POGK: variants seen among roughly 807,000 people sequenced by gnomAD.
POGK encodes the protein pogo transposable element derived with KRAB domain, also known as pogo transposable element with KRAB domain.
POGK carries 16 observed loss-of-function variants against 54.4 expected under a neutral mutation model. That is an observed-to-expected ratio of 0.29 (90% CI 0.20 to 0.45). POGK has a LOEUF of 0.45. Among genes scored for constraint, POGK ranks in the 20% least tolerant of loss-of-function variants. POGK has a pLI of 1.00. For missense variants in POGK, 515 were observed against 795.6 expected (o/e 0.65, Z 4.24); for synonymous variants, 271 against 302.2 (o/e 0.90, Z 1.07).
At position 166,846,037 on chromosome 1, in the gene POGK, C is replaced by T. The variant is rs75218986; in HGVS notation, c.133-575C>T. ...GGGCCCCTTCTCTCAGTGGCTCCTC[C>T]CTGGGCAGCTGTGGGTTCCAAGTCT... On this transcript the variant is annotated intron_variant, in intron 2 of 5. Transcript: ENST00000367876. 5.1e-3 allele frequency among the ~76,000 whole-genome samples: 777 copies of T among 152,308 alleles called. 4 individuals carry two copies. The highest frequency in any genetic ancestry group is 0.018 in the African/African-American group (730 of 41,554).
Position 166,856,344 on chromosome 1 carries a change from G to GAAAAAA in POGK, c.*3784_*3789dup, listed in dbSNP as rs57469144. On this transcript the variant is annotated 3_prime_UTR_variant, in exon 6 of 6. Transcript: ENST00000367876. ...GTGAGACCCTATCTCAAAAAGAAAAGAAAAAAAAAAAAAAAGAAATGGCAT... is the reference window on the plus strand; with the variant it reads ...GTGAGACCCTATCTCAAAAAGAAAAGAAAAAAAAAAAAAAAAAAAAAGAAATGGCAT... 1.9e-4 allele frequency: 22 copies of GAAAAAA among 117,032 alleles called. No homozygotes were observed. Among genetic ancestry groups the GAAAAAA allele is most frequent in the South Asian group, 2.8e-4 (1 of 3,534 alleles). The allele number at this position is 117,032 out of a possible 1,614,324, so 7.2% of individuals were successfully genotyped here. A position where few individuals can be genotyped will look rare whatever the true frequency, so the allele number is the denominator to read the frequency against.
chr1:166,844,091 C>T (rs1431848564), intron 2 of POGK, among the ~76,000 whole-genome samples: 2 of 152,346 alleles, frequency 1.3e-5, no homozygotes, highest in East Asian at 3.9e-4. Flanking sequence ...TAAGCCACTA[C>T]ACTGTGCCTC....
At position 166,840,955 on chromosome 1, in the gene POGK, A is replaced by G. The variant is rs1657476415; in HGVS notation, c.-2A>G. ...TTCTGAACCTGAATCTTGCTTGCAG[A>G]GATGGAGTCCACAGCCTACCCTCTC... On this transcript the variant is annotated splice_region_variant and 5_prime_UTR_variant, in exon 2 of 6. Transcript: ENST00000367876. 6.2e-7 allele frequency: 1 copy of G among 1,613,986 alleles called. No homozygotes were observed.
At chr1:166,843,867 G>A (rs1657715038) in intron 2 of POGK, among the ~76,000 whole-genome samples, 1 of 152,250 alleles carries the variant, frequency 6.6e-6, no homozygotes, top group Non-Finnish European at 1.5e-5. Flanking sequence ...GGAGGGCAGG[G>A]ACTGAAGGTC....
Position 166,849,942 on chromosome 1 carries a change from A to G in POGK, c.1363A>G (p.Arg455Gly). The part of the protein sequence containing the change: ...LMQDWLEVVW[R>G]RRTGAVPKQR... ...GCAGGACTGGTTGGAAGTGGTGTGG[A>G]GACGGAGGACAGGAGCAGTGCCCAA... The change falls in exon 5 of 6, where the codon AGA becomes GGA. Residue 455 changes from arginine (R) to glycine (G), a missense_variant. Around this residue, in one of 2 missense-constraint regions of POGK, gnomAD observed 461 missense variants for 743.5 expected, o/e 0.62. Transcript: ENST00000367876. 1 of 1,614,234 alleles carries G rather than the reference A, an allele frequency of 6.2e-7. No individual in the cohort carries two copies. Among genetic ancestry groups the G allele is most frequent in the Non-Finnish European group, 8.5e-7 (1 of 1,180,042 alleles).
Position 166,849,238 on chromosome 1 carries a change from C to T in POGK, c.659C>T (p.Ala220Val), listed in dbSNP as rs1657962857. The change falls in exon 5 of 6, where the codon GCT becomes GTT. Residue 220 changes from alanine (A) to valine (V), a missense_variant. Ala to Val is a moderately conservative substitution (Grantham distance 64, BLOSUM62 0). Transcript: ENST00000367876. ...EYAESTNNCQ[A>V]AKQFGVLEKN... ...GCTGAGAGTACCAACAACTGCCAGGCTGCCAAGCAGTTTGGAGTATTGGAA... is the reference window on the plus strand; with the variant it reads ...GCTGAGAGTACCAACAACTGCCAGGTTGCCAAGCAGTTTGGAGTATTGGAA... 1 of 1,614,122 alleles carries T rather than the reference C, an allele frequency of 6.2e-7. No homozygotes were observed. The highest frequency in any genetic ancestry group is 8.5e-7 in the Non-Finnish European group (1 of 1,180,046).
chr1:166,848,864 C>G (rs1657942211), intron 4 of POGK, 74 bp from the exon 5 acceptor site: 1 of 1,497,228 alleles, frequency 6.7e-7, no homozygotes, highest in Non-Finnish European at 9.0e-7. Context: ...CTTAGCATTT[C>G]AACCCCCAAA....
chr1:166,847,068 C>T (rs1317980709), intron 3 of POGK, among the ~76,000 whole-genome samples: 1 of 152,128 alleles, frequency 6.6e-6, no homozygotes, highest in Non-Finnish European at 1.5e-5. Flanking sequence ...TTAATGTTAC[C>T]CTGTCAGCCT....
chr1:166,846,799 C>T (rs1657867281), intron 3 of POGK, 61 bp downstream of exon 3: 1 of 1,593,934 alleles, frequency 6.3e-7, no homozygotes, highest in Admixed American at 1.7e-5. Flanking sequence ...GTTTCCATGC[C>T]TCTCTTCTCT....
intron 2 of POGK, among the ~76,000 whole-genome samples, chr1:166,843,170 G>T (rs1657609463): frequency 2.0e-5 from 3 of 152,202 alleles, no homozygotes. Flanking sequence ...CCAGGCAAGA[G>T]GACAGCACAG....
intron 2 of POGK, among the ~76,000 whole-genome samples, chr1:166,844,314 A>G (rs886878497): frequency 3.3e-5 from 5 of 152,100 alleles, no homozygotes; most frequent in African/African-American, 1.2e-4. Flanking sequence ...CCATTTTATC[A>G]GCAAAGGGAA....
In POGK at chr1:166,847,661, A is replaced by G. The variant is rs1047278058; in HGVS notation, c.358+69A>G. On this transcript the variant is annotated intron_variant, in intron 4 of 5. Transcript: ENST00000367876. ...TTGTGGAGTGGGATTTTCAGTGTAC[A>G]TTCCACGGGGTATTTAAGAGGTAGA... is the stretch of plus-strand genomic sequence containing the variant. 4 of 1,211,326 alleles carry G rather than the reference A, an allele frequency of 3.3e-6. No homozygotes were observed. The African/African-American group carries it at 4.5e-5, about 14-fold the overall frequency. 75.0% of individuals were successfully genotyped at this position (1,211,326 alleles called of 1,614,324 possible).
rs1658189347 is a variant in POGK, at chr1:166,854,152, C to T, written c.*1582C>T. 6.6e-6 allele frequency: 1 copy of T among 152,588 alleles called. No homozygotes were observed. Among genetic ancestry groups the T allele is most frequent in the Non-Finnish European group, 1.5e-5 (1 of 68,032 alleles). The allele number at this position is 152,588 out of a possible 1,614,324, so 9.5% of individuals were successfully genotyped here. A position where few individuals can be genotyped will look rare whatever the true frequency, so the allele number is the denominator to read the frequency against. ...TTCCTTCCTTGGAGCCATAGTTACC[C>T]TGCCAAGAAGAGTAGAAAATGGGTT... On this transcript the variant is annotated 3_prime_UTR_variant, in exon 6 of 6. Transcript: ENST00000367876.
Position 166,841,121 on chromosome 1 carries a change from G to A in POGK, c.132+33G>A, listed in dbSNP as rs1024285832. ...AGAAGGTGTGGAGTCCACACAGCCA[G>A]CAGATGCAGGCCTGAGAGCCCAGCT... On this transcript the variant is annotated intron_variant, in intron 2 of 5. Transcript: ENST00000367876. 4 of 1,609,336 alleles carry A rather than the reference G, an allele frequency of 2.5e-6. No individual in the cohort carries two copies. The African/African-American group carries it at 5.3e-5, about 22-fold the overall frequency.
Position 166,855,604 on chromosome 1 carries a change from T to G in POGK, c.*3034T>G, listed in dbSNP as rs1178413251. 2 of 152,292 alleles carry G rather than the reference T, an allele frequency of 1.3e-5. No individual in the cohort carries two copies. The highest frequency in any genetic ancestry group is 4.8e-5 in the African/African-American group (2 of 41,466). The allele number at this position is 152,292 out of a possible 1,614,324, so 9.4% of individuals were successfully genotyped here. A position where few individuals can be genotyped will look rare whatever the true frequency, so the allele number is the denominator to read the frequency against. ...GAGAGCAGATAGTAGAGTGTAGACC[T>G]GAAATACATGAGGCAAAGGCAGTCT... On this transcript the variant is annotated 3_prime_UTR_variant, in exon 6 of 6. Coordinates refer to ENST00000367876, the MANE Select transcript of POGK (RefSeq NM_017542.5).
At chr1:166,844,416 A>G (rs987978109) in intron 2 of POGK, among the ~76,000 whole-genome samples, 3 of 152,212 alleles carry the variant, frequency 2.0e-5, no homozygotes, top group Admixed American at 2.0e-4. Context: ...GGGAATTGGG[A>G]AAGGAGTAGG....
chr1:166,842,194 A>G (rs1387963242), intron 2 of POGK, among the ~76,000 whole-genome samples: 2 of 152,214 alleles, frequency 1.3e-5, no homozygotes, highest in African/African-American at 4.8e-5. Context: ...CTTTGAGGCT[A>G]GATTGGTCAA....
rs1468631429 is a variant in POGK at position 166,849,296 on chromosome 1, A to G, written c.717A>G (p.Pro239=). ...TTCGAGACTGGCGCAAAGTGAAGCC[A>G]CAGCTTCAAAACGCCCACGCCATGC... is the stretch of plus-strand genomic sequence containing the variant. ...KNVRDWRKVK[P]QLQNAHAMRR... is the part of the protein sequence containing the mutation. The change falls in exon 5 of 6, where the codon CCA becomes CCG. Residue 239 remains proline (P), a synonymous_variant. Coordinates refer to ENST00000367876, the MANE Select transcript of POGK (RefSeq NM_017542.5). 6.2e-7 allele frequency: 1 copy of G among 1,614,238 alleles called. No homozygotes were observed. Among genetic ancestry groups the G allele is most frequent in the South Asian group, 1.1e-5 (1 of 91,086 alleles).
At chr1:166,841,118 C>T (rs1312971825) in intron 2 of POGK, 30 bp downstream of exon 2, 3 of 1,609,798 alleles carry the variant, frequency 1.9e-6, no homozygotes, top group Non-Finnish European at 2.5e-6. Flanking sequence ...GTCCACACAG[C>T]CAGCAGATGC....
Sources: gnomAD v4.1 joint callset for allele counts (sites outside exome capture counted in the v4.1 genomes callset) on GRCh38, gnomAD v4.1.1 for gene constraint, gnomAD v4.1.1 regional missense constraint, MANE v1.5 for transcripts, NCBI Gene and HGNC (gene_info 2026-07-23, HGNC 2026-07-21) for gene names.